PLCB4: variants seen among roughly 807,000 people sequenced by gnomAD.
PLCB4 encodes the protein 1-phosphatidylinositol 4,5-bisphosphate phosphodiesterase beta-4.
A neutral mutation model predicts 178.8 loss-of-function variants in PLCB4; 77 were observed. The ratio of observed to expected loss-of-function variants is 0.43; its 90% CI spans 0.36 to 0.52. The LOEUF is 0.52. Among genes scored for constraint, PLCB4 ranks in the 20% least tolerant of loss-of-function variants. PLCB4 has a pLI of 0.00. For synonymous variants in PLCB4, 496 were observed against 490.8 expected (o/e 1.01, Z -0.14); for missense variants, 1,024 against 1,453.4 (o/e 0.70, Z 4.80).
At chr20:9,333,513 A>G (rs2032000922) in intron 4 of PLCB4, among the ~76,000 whole-genome samples, 1 of 152,214 alleles carries the variant, frequency 6.6e-6, no homozygotes, top group Non-Finnish European at 1.5e-5. Context: ...GGAAGAACAG[A>G]GAGTGGCATG....
chr20:9,169,226 A>G (rs1330346681), intron 2 of PLCB4, among the ~76,000 whole-genome samples: 4 of 152,126 alleles, frequency 2.6e-5, no homozygotes, highest in African/African-American at 9.6e-5. Flanking sequence ...CAATTTTCCA[A>G]TGTAATAATC....
intron 2 of PLCB4, among the ~76,000 whole-genome samples, chr20:9,211,087 T>C (rs1205531786): frequency 6.6e-6 from 1 of 152,230 alleles, no homozygotes; most frequent in African/African-American, 2.4e-5. Flanking sequence ...CCACTTTCTT[T>C]TTTTAACCTG....
chr20:9,298,596 C>A (rs1182892479), intron 3 of PLCB4, among the ~76,000 whole-genome samples: 1 of 151,994 alleles, frequency 6.6e-6, no homozygotes, highest in African/African-American at 2.4e-5. Flanking sequence ...CATTTATAAA[C>A]CTGGATCTTC....
intron 28 of PLCB4, among the ~76,000 whole-genome samples, chr20:9,430,634 G>T (rs2041331584): frequency 6.6e-6 from 1 of 152,124 alleles, no homozygotes; most frequent in African/African-American, 2.4e-5. Flanking sequence ...TCTTCAGCAG[G>T]CTCCGATTTT....
intron 3 of PLCB4, among the ~76,000 whole-genome samples, chr20:9,287,091 A>T (rs1044890956): frequency 6.6e-6 from 1 of 152,030 alleles, no homozygotes; most frequent in Non-Finnish European, 1.5e-5. Flanking sequence ...AACAATGTAC[A>T]TTTTATTTTA....
chr20:9,239,781 G>A (rs1396279571), intron 3 of PLCB4, among the ~76,000 whole-genome samples: 1 of 152,076 alleles, frequency 6.6e-6, no homozygotes, highest in Non-Finnish European at 1.5e-5. Flanking sequence ...TCAAAAGTAG[G>A]GAAGCTGACA....
chr20:9,470,385 CA>C (rs2098159924), intron 36 of PLCB4, among the ~76,000 whole-genome samples: 1 of 151,770 alleles, frequency 6.6e-6, no homozygotes, highest in South Asian at 2.1e-4. Context: ...CTCAGATAAG[CA>C]ACTTTGTTTA....
chr20:9,285,012 C>T (rs900502978), intron 3 of PLCB4, among the ~76,000 whole-genome samples: 3 of 151,816 alleles, frequency 2.0e-5, no homozygotes, highest in Admixed American at 2.0e-4. Context: ...GGAGAACATT[C>T]ACTTTCAGCA....
intron 28 of PLCB4, among the ~76,000 whole-genome samples, chr20:9,431,632 A>ATTTGTGTGTGTGTGTG (rs759724334): frequency 7.1e-6 from 1 of 141,812 alleles, no homozygotes; most frequent in Non-Finnish European, 1.5e-5. Context: ...CACGGGGCCA[A>ATTTGTGTGTGTGTGTG]TTTGTGTGTG....
At chr20:9,263,402 A>T (rs759516894) in intron 3 of PLCB4, among the ~76,000 whole-genome samples, 6 of 152,216 alleles carry the variant, frequency 3.9e-5, no homozygotes, top group Non-Finnish European at 8.8e-5. Context: ...ACCAACAAGA[A>T]TATCTAGTCC....
intron 33 of PLCB4, among the ~76,000 whole-genome samples, chr20:9,455,253 A>G (rs1340413267): frequency 2.0e-5 from 3 of 152,198 alleles, no homozygotes; most frequent in Non-Finnish European, 2.9e-5. Flanking sequence ...TTTTCAAAAA[A>G]TGTTTCATGC....
intron 3 of PLCB4, among the ~76,000 whole-genome samples, chr20:9,229,266 C>A (rs986506640): frequency 1.2e-4 from 18 of 152,274 alleles, no homozygotes; most frequent in African/African-American, 4.1e-4. Flanking sequence ...ACTAGCAACA[C>A]TAAAATCTCA....
chr20:9,125,697 A>G (rs1162332411), intron 2 of PLCB4, among the ~76,000 whole-genome samples: 1 of 152,170 alleles, frequency 6.6e-6, no homozygotes, highest in African/African-American at 2.4e-5. Flanking sequence ...AAGGATGTGT[A>G]TTTTTACCAC....
At chr20:9,253,378 G>A (rs1123647) in intron 3 of PLCB4, among the ~76,000 whole-genome samples, 37,914 of 151,858 alleles carry the variant, frequency 0.25, 5,028 homozygotes, top group East Asian at 0.36. Context: ...CACCTTCCTC[G>A]TTCTCCAGGT....
intron 2 of PLCB4, among the ~76,000 whole-genome samples, chr20:9,144,397 T>G (rs1320891675): frequency 6.6e-6 from 1 of 151,988 alleles, no homozygotes; most frequent in African/African-American, 2.4e-5. Flanking sequence ...CTGAAAAACA[T>G]AAGCAGCAGA....
chr20:9,110,169 C>T (rs1405429318), intron 2 of PLCB4, among the ~76,000 whole-genome samples: 1 of 151,830 alleles, frequency 6.6e-6, no homozygotes, highest in Non-Finnish European at 1.5e-5. Flanking sequence ...TCAAGGCTAA[C>T]ATAGCCTTTC....
chr20:9,351,897 C>T (rs536783328), intron 7 of PLCB4, among the ~76,000 whole-genome samples: 24 of 152,212 alleles, frequency 1.6e-4, no homozygotes, highest in African/African-American at 5.3e-4. Context: ...AGAATGTGAC[C>T]GATAAATACA....
At chr20:9,093,870 C>T (rs901380927) in intron 1 of PLCB4, among the ~76,000 whole-genome samples, 3 of 152,010 alleles carry the variant, frequency 2.0e-5, no homozygotes, top group African/African-American at 4.8e-5. Context: ...GCTTTAGTGT[C>T]ACATGGCCCC....
rs767973940 is a variant in PLCB4 at position 9,401,473 on chromosome 20, A to C, written c.1511-17A>C. ...AGTGGTTTGGTGTCATGGATTTTCC[A>C]TTTGTCTTTCACACAGCTGACCAAG... On this transcript the variant is annotated splice_polypyrimidine_tract_variant and intron_variant, in intron 19 of 39. Transcript: ENST00000378473. The C allele has an allele frequency of 4.4e-6, 7 of 1,587,504 alleles. No homozygotes were observed. Among genetic ancestry groups the C allele is most frequent in the Non-Finnish European group, 6.1e-6 (7 of 1,156,432 alleles).
Sources: allele counts gnomAD v4.1 joint callset (sites outside exome capture counted in the v4.1 genomes callset), GRCh38; gene constraint gnomAD v4.1.1; transcripts MANE v1.5; gene names NCBI Gene and HGNC (gene_info 2026-07-23, HGNC 2026-07-21).